The following PSMG1 variants were observed in gnomAD, a reference collection of about 807,000 sequenced individuals.
PSMG1 encodes proteasome assembly chaperone 1.
Under a neutral mutation model 37.2 loss-of-function variants are expected in PSMG1, and 23 were observed. The observed-to-expected ratio is 0.62, with a 90% CI of 0.44 to 0.88. PSMG1 has a LOEUF of 0.88. Ranked by LOEUF, PSMG1 falls within the 40% of genes least tolerant of loss-of-function variation. The pLI is 0.00. For missense variants in PSMG1, 340 were observed against 344.2 expected (o/e 0.99, Z 0.10); for synonymous variants, 127 against 128.0 (o/e 0.99, Z 0.05).
chr21:39,183,274 G>T lies in PSMG1; in HGVS notation c.112C>A (p.Arg38Ser). Residue 38 changes from arginine to serine, a missense_variant, in exon 1 of 7, where the codon CGT (arginine) becomes AGT (serine). By Grantham distance (110) the Arg-to-Ser change is moderately radical (BLOSUM62 -1). Transcript: ENST00000331573. Reference protein sequence around the residue: ...RRETPEDREVRLQLARKREVR... With the variant: ...RRETPEDREVSLQLARKREVR... ...CACCTCTTCCGCGCCAGCTGCAGAC[G>T]CACCTCCCTGTCCTCGGGCGTCTCC... The T allele has an allele frequency of 1.3e-6, 2 of 1,586,468 alleles. No individual in the cohort carries two copies. The highest frequency in any genetic ancestry group is 1.7e-6 in the Non-Finnish European group (2 of 1,169,900).
rs375320526 is a variant in PSMG1, at chr21:39,178,504, C to T, written c.600G>A (p.Ser200=). The change falls in exon 5 of 7, where the codon TCG becomes TCA. Residue 200 remains serine, a synonymous_variant. Coordinates refer to ENST00000331573, the MANE Select transcript of PSMG1 (RefSeq NM_003720.4). The stretch of plus-strand genomic sequence containing the variant: ...GTTGTTCTAGCAATGGACAACACGC[C>T]GAGTCTTTGAAATTCTGTGTTTTTA... ...RALKTQNFKD[S]ACCPLLEQPN... 49 of 1,613,892 alleles carry T rather than the reference C, an allele frequency of 3.0e-5. No individual in the cohort carries two copies. Among genetic ancestry groups the T allele is most frequent in the African/African-American group, 5.3e-5 (4 of 74,860 alleles).
At chr21:39,183,197 G>C in intron 1 of PSMG1, 55 bp downstream of exon 1, 1 of 1,484,218 alleles carries the variant, frequency 6.7e-7, no homozygotes. Context: ...GCGGCTGCCA[G>C]GCCCGCGCAC....
At position 39,178,640 on chromosome 21, in the gene PSMG1, C is replaced by CA; in HGVS notation, c.463_464insT (p.Gly155ValfsTer22). ...CTGCATGTTCTTCCTTGGACAAGAGCCAAAAACCTAACATAAAATTTATTT... is the reference window on the plus strand; with the variant it reads ...CTGCATGTTCTTCCTTGGACAAGAGCACAAAAACCTAACATAAAATTTATTT... On this transcript the variant is annotated frameshift_variant, in exon 5 of 7. Coordinates refer to ENST00000331573, the MANE Select transcript of PSMG1 (RefSeq NM_003720.4). LOFTEE classifies it high-confidence loss of function. 6.2e-7 allele frequency: 1 copy of CA among 1,607,256 alleles called. No homozygotes were observed. Among genetic ancestry groups the CA allele is most frequent in the South Asian group, 1.1e-5 (1 of 88,914 alleles).
intron 2 of PSMG1, among the ~76,000 whole-genome samples, chr21:39,180,838 G>T (rs1319453528): frequency 6.6e-6 from 1 of 152,124 alleles, no homozygotes. Flanking sequence ...TTTCCTGAAT[G>T]TTCTCATCAC....
In PSMG1 at chr21:39,183,438, G is replaced by T. The variant is rs1029760324; in HGVS notation, c.-53C>A. The T allele has an allele frequency of 4.6e-6, 7 of 1,519,250 alleles. No individual in the cohort carries two copies. In the African/African-American group the frequency reaches 5.7e-5, roughly 12 times the overall value. 94.1% of individuals were successfully genotyped at this position (1,519,250 alleles called of 1,614,324 possible). The stretch of plus-strand genomic sequence containing the variant: ...CTGCAGCGCCGCGGGACCGCACGCC[G>T]GCTTGCGCGAGACCACGCTCCCTCA... On this transcript the variant is annotated 5_prime_UTR_variant, in exon 1 of 7. Coordinates refer to ENST00000331573, the MANE Select transcript of PSMG1 (RefSeq NM_003720.4).
Position 39,177,577 on chromosome 21 carries a change from A to T in PSMG1, c.656-6T>A, listed in dbSNP as rs761780212. ...TACTTGACAGTAGCTTAGAACTATG[A>T]ATACACAAGAAAAAAAAACGATGTA... On this transcript the variant is annotated splice_polypyrimidine_tract_variant and splice_region_variant and intron_variant, in intron 5 of 6. Coordinates refer to ENST00000331573, the MANE Select transcript of PSMG1 (RefSeq NM_003720.4). The T allele has an allele frequency of 2.6e-6, 4 of 1,517,878 alleles. No homozygotes were observed. The highest frequency in any genetic ancestry group is 1.3e-5 in the South Asian group (1 of 75,126). 94.0% of individuals were successfully genotyped at this position (1,517,878 alleles called of 1,614,324 possible).
chr21:39,183,423 G>GC lies in PSMG1; in HGVS notation c.-39dup. The GC allele has an allele frequency of 3.9e-6, 6 of 1,549,288 alleles. No homozygotes were observed. Among genetic ancestry groups the GC allele is most frequent in the Non-Finnish European group, 5.2e-6 (6 of 1,153,384 alleles). On this transcript the variant is annotated 5_prime_UTR_variant, in exon 1 of 7. Transcript: ENST00000331573. The stretch of plus-strand genomic sequence containing the variant: ...ACCGGCTGGACACAACTGCAGCGCC[G>GC]CGGGACCGCACGCCGGCTTGCGCGA...
At chr21:39,181,919 T>G (rs6517522) in intron 1 of PSMG1, 41 bp from the exon 2 acceptor site, 7 of 1,397,286 alleles carry the variant, frequency 5.0e-6, no homozygotes, top group Non-Finnish European at 6.8e-6. Flanking sequence ...AACTTCAATA[T>G]AAACAGTATC....
In PSMG1 at chr21:39,180,872, T is replaced by C. The variant is rs188161710; in HGVS notation, c.242-436A>G. Among the ~76,000 whole-genome samples the C allele has an allele frequency of 7.9e-5, 12 of 152,286 alleles. 1 individual carries two copies. Among genetic ancestry groups the C allele is most frequent in the African/African-American group, 2.9e-4 (12 of 41,556 alleles). On this transcript the variant is annotated intron_variant, in intron 2 of 6. Coordinates refer to ENST00000331573, the MANE Select transcript of PSMG1 (RefSeq NM_003720.4). ...ACAACCTGTGAACACCCTAAAAATA[T>C]AAAGGTCTATGTGTGTATTTGTAAA...
In PSMG1 at chr21:39,178,469, A is replaced by G; in HGVS notation, c.635T>C (p.Val212Ala). The G allele has an allele frequency of 6.2e-7, 1 of 1,613,694 alleles. No homozygotes were observed. Among genetic ancestry groups the G allele is most frequent in the Non-Finnish European group, 8.5e-7 (1 of 1,179,556 alleles). The stretch of plus-strand genomic sequence containing the variant: ...ACCACCTGCTGCAGGAAGGTCGTGT[A>G]CTATATTCGGTTGTTCTAGCAATGG... Reference protein sequence around the residue: ...CCPLLEQPNIVHDLPAAVLSY... With the variant: ...CCPLLEQPNIAHDLPAAVLSY... The change falls in exon 5 of 7, where the codon GTA (valine) becomes GCA (alanine). Residue 212 changes from valine (V) to alanine (A), a missense_variant. Transcript: ENST00000331573.
chr21:39,180,312 C>T lies in PSMG1; in HGVS notation c.366G>A (p.Val122=), dbSNP rs1183712678. 5.0e-6 allele frequency: 8 copies of T among 1,606,652 alleles called. No homozygotes were observed. The highest frequency in any genetic ancestry group is 1.7e-5 in the Admixed American group (1 of 58,448). The change falls in exon 3 of 7, where the codon GTG becomes GTA. Residue 122 remains valine, a synonymous_variant. Transcript: ENST00000331573. ...AGGGATTGGATTTTAGATGATAAAA[C>T]ACACAAAAAGCCTCTGTGGAGGACA... ...THLSSTEAFC[V]FYHLKSNPSV... is the part of the protein sequence containing the mutation.
At chr21:39,179,123 C>T (rs2030731698) in intron 4 of PSMG1, among the ~76,000 whole-genome samples, 3 of 152,148 alleles carry the variant, frequency 2.0e-5, no homozygotes, top group South Asian at 4.1e-4. Context: ...CCTGCTCCCC[C>T]TTCACCTTCC....
At chr21:39,179,846 A>C (rs1034680271) in intron 4 of PSMG1, 78 bp downstream of exon 4, 42 of 1,181,210 alleles carry the variant, frequency 3.6e-5, no homozygotes, top group Non-Finnish European at 4.5e-5. Flanking sequence ...GCATAAGTTT[A>C]AGTTAAAAGA....
chr21:39,177,682 T>C, intron 5 of PSMG1, 111 bp from the exon 6 acceptor site: 6 of 817,076 alleles, frequency 7.3e-6, no homozygotes, highest in Non-Finnish European at 1.0e-5. Flanking sequence ...CTCAGCTGCC[T>C]CTTTCAATCA....
At chr21:39,180,015 CAA>C (rs777671583) in intron 3 of PSMG1, 29 bp from the exon 4 acceptor site, 1 of 1,564,156 alleles carries the variant, frequency 6.4e-7, no homozygotes, top group Non-Finnish European at 8.7e-7. Flanking sequence ...CGCTTTTTGT[CAA>C]GTAAGTTTTA....
At chr21:39,179,805 C>A in intron 4 of PSMG1, 119 bp downstream of exon 4, 1 of 882,664 alleles carries the variant, frequency 1.1e-6, no homozygotes, top group Non-Finnish European at 1.7e-6. Flanking sequence ...AAGAAATTCC[C>A]ACAATATTTT....
chr21:39,175,687 A>T (rs374757296), intron 6 of PSMG1, 23 bp from the exon 7 acceptor site: 23 of 1,456,486 alleles, frequency 1.6e-5, no homozygotes, highest in Non-Finnish European at 2.0e-5. Context: ...AAAAAAGTGA[A>T]TACAGTGAGA....
rs375585989 is a variant in PSMG1 at position 39,178,607 on chromosome 21, A to C, written c.497T>G (p.Ile166Ser). ...ATCGGTAACATGTCGACATGTGAGAATAGTTATCTGCATGTTCTTCCTTGG... is the reference window on the plus strand; with the variant it reads ...ATCGGTAACATGTCGACATGTGAGACTAGTTATCTGCATGTTCTTCCTTGG... ...SCPRKNMQITILTCRHVTDYK... is the reference protein window; with the variant it reads ...SCPRKNMQITSLTCRHVTDYK... The change falls in exon 5 of 7, where the codon ATT becomes AGT. Residue 166 changes from isoleucine (I) to serine (S), a missense_variant. By Grantham distance (142) the Ile-to-Ser change is moderately radical. Transcript: ENST00000331573. The C allele has an allele frequency of 9.3e-6, 15 of 1,614,148 alleles. No individual in the cohort carries two copies. Among genetic ancestry groups the C allele is most frequent in the African/African-American group, 1.3e-5 (1 of 75,034 alleles).
chr21:39,183,047 G>T (rs1021930215), intron 1 of PSMG1: 3 of 590,692 alleles, frequency 5.1e-6, no homozygotes, highest in Admixed American at 4.2e-5. Context: ...GCAGATCCAC[G>T]CGAGAACCAC....
Sources: allele counts gnomAD v4.1 joint callset (sites outside exome capture counted in the v4.1 genomes callset), GRCh38; gene constraint gnomAD v4.1.1; transcripts MANE v1.5; gene names NCBI Gene and HGNC (gene_info 2026-07-23, HGNC 2026-07-21).